Variants in CTDSPL2 observed in about 807,000 individuals in gnomAD.
The protein encoded by CTDSPL2 is CTD small phosphatase like 2, also known as CTD small phosphatase-like protein 2.
In CTDSPL2, 5 loss-of-function variants were observed where a neutral mutation model predicts 60.0. That is an observed-to-expected ratio of 0.08 (90% CI 0.04 to 0.18). The LOEUF (loss-of-function observed/expected upper bound fraction) is 0.18. Among genes scored for constraint, CTDSPL2 ranks in the 10% least tolerant of loss-of-function variants. The pLI is 1.00. For synonymous variants in CTDSPL2, 186 were observed against 189.3 expected (o/e 0.98, Z 0.14); for missense variants, 370 against 548.8 (o/e 0.67, Z 3.26).
intron 9 of CTDSPL2, 51 bp from the exon 10 acceptor site, chr15:44,514,714 C>T: frequency 6.7e-7 from 1 of 1,495,042 alleles, no homozygotes; most frequent in Non-Finnish European, 9.3e-7. Context: ...CAATATAGTA[C>T]CCATATTTAG....
intron 1 of CTDSPL2, among the ~76,000 whole-genome samples, chr15:44,443,322 G>A (rs2080131260): frequency 6.6e-6 from 1 of 152,102 alleles, no homozygotes. Flanking sequence ...TGGACACTTC[G>A]ATTGCATCCA....
intron 1 of CTDSPL2, among the ~76,000 whole-genome samples, chr15:44,444,875 T>C (rs1312583970): frequency 8.3e-6 from 1 of 120,642 alleles, no homozygotes; most frequent in Non-Finnish European, 1.7e-5. Context: ...TTAGACGGAG[T>C]CTCCCTCTGT....
chr15:44,511,570 C>T (rs2081565541), intron 8 of CTDSPL2, among the ~76,000 whole-genome samples: 1 of 152,090 alleles, frequency 6.6e-6, no homozygotes, highest in Non-Finnish European at 1.5e-5. Flanking sequence ...TCTGAAATGC[C>T]TCAAAATCTG....
chr15:44,508,635 A>C (rs1314247625), intron 8 of CTDSPL2, among the ~76,000 whole-genome samples: 1 of 152,134 alleles, frequency 6.6e-6, no homozygotes, highest in Non-Finnish European at 1.5e-5. Flanking sequence ...TTTGAAAGTT[A>C]TGGTCTGCCG....
chr15:44,479,929 C>G (rs555808689), intron 2 of CTDSPL2, among the ~76,000 whole-genome samples: 74 of 152,192 alleles, frequency 4.9e-4, no homozygotes, highest in South Asian at 8.3e-4. Context: ...TTCAGGGTAT[C>G]TCTTTGAACA....
intron 1 of CTDSPL2, among the ~76,000 whole-genome samples, chr15:44,432,727 C>G (rs764051835): frequency 9.2e-5 from 14 of 151,996 alleles, no homozygotes; most frequent in Admixed American, 2.6e-4. Context: ...TCAAGTGATT[C>G]TCCTGTCTCA....
chr15:44,463,612 C>T (rs2080621500), intron 2 of CTDSPL2, among the ~76,000 whole-genome samples: 1 of 152,092 alleles, frequency 6.6e-6, no homozygotes, highest in Non-Finnish European at 1.5e-5. Flanking sequence ...ATTGTATTTT[C>T]CCAGACAACT....
chr15:44,517,881 T>G lies in CTDSPL2; in HGVS notation c.1113-1288T>G, dbSNP rs373292418. On this transcript the variant is annotated intron_variant, in intron 10 of 12. Transcript: ENST00000260327. The stretch of plus-strand genomic sequence containing the variant: ...GCTTGAATTAATTTACTTAGTCTTT[T>G]TTGTTGTTGTTTTTTCAAAGTAGAA... 4.6e-5 allele frequency among the ~76,000 whole-genome samples: 7 copies of G among 152,210 alleles called. No homozygotes were observed. The South Asian group carries it at 1.0e-3, about 23-fold the overall frequency.
chr15:44,491,516 G>A (rs968882614), intron 5 of CTDSPL2, among the ~76,000 whole-genome samples: 1 of 152,192 alleles, frequency 6.6e-6, no homozygotes, highest in African/African-American at 2.4e-5. Flanking sequence ...TCCTTGAAAT[G>A]TGGAAACATA....
intron 4 of CTDSPL2, 101 bp from the exon 5 acceptor site, chr15:44,490,683 A>G (rs2081198666): frequency 2.4e-6 from 2 of 835,586 alleles, no homozygotes. Flanking sequence ...TCCTGCAGGA[A>G]TGATCAGTCT....
At chr15:44,479,671 C>T (rs1042747280) in intron 2 of CTDSPL2, among the ~76,000 whole-genome samples, 6 of 152,118 alleles carry the variant, frequency 3.9e-5, no homozygotes, top group South Asian at 2.1e-4. Flanking sequence ...GACCTCCCAA[C>T]GTGCTAGAAT....
chr15:44,492,021 T>C (rs1441848574), intron 5 of CTDSPL2, among the ~76,000 whole-genome samples: 3 of 151,648 alleles, frequency 2.0e-5, no homozygotes, highest in African/African-American at 7.3e-5. Context: ...GTGACACCAC[T>C]CCCAGCTATT....
In CTDSPL2 at chr15:44,488,328, G is replaced by A. The variant is rs1041431361; in HGVS notation, c.475+1628G>A. Among the ~76,000 whole-genome samples the A allele has an allele frequency of 5.9e-5, 9 of 152,058 alleles. No individual in the cohort carries two copies. The East Asian group carries it at 7.7e-4, about 13-fold the overall frequency. On this transcript the variant is annotated intron_variant, in intron 4 of 12. Coordinates refer to ENST00000260327, the MANE Select transcript of CTDSPL2 (RefSeq NM_016396.3). ...TGTGAGACTTGATGAGACCTTAATTGTATTAGAGAAGACAGGAAGGATCAG... is the reference window on the plus strand; with the variant it reads ...TGTGAGACTTGATGAGACCTTAATTATATTAGAGAAGACAGGAAGGATCAG...
chr15:44,427,804 T>C (rs1332151974), intron 1 of CTDSPL2, 32 bp downstream of exon 1: 3 of 398,126 alleles, frequency 7.5e-6, no homozygotes, highest in Non-Finnish European at 1.3e-5. Context: ...CCGCCGCTGC[T>C]TCCAATCTCA....
At chr15:44,438,065 C>A (rs1418971768) in intron 1 of CTDSPL2, among the ~76,000 whole-genome samples, 1 of 152,068 alleles carries the variant, frequency 6.6e-6, no homozygotes, top group Non-Finnish European at 1.5e-5. Context: ...GAGATTAAGA[C>A]CATCCTGGCT....
chr15:44,442,642 C>G (rs1190828070), intron 1 of CTDSPL2, among the ~76,000 whole-genome samples: 2 of 151,712 alleles, frequency 1.3e-5, no homozygotes, highest in African/African-American at 2.4e-5. Flanking sequence ...TCTTCTGTCC[C>G]CATTATTTTC....
intron 3 of CTDSPL2, 97 bp from the exon 4 acceptor site, chr15:44,486,454 G>C (rs1391830980): frequency 6.1e-6 from 5 of 818,052 alleles, no homozygotes; most frequent in Non-Finnish European, 7.3e-6. Flanking sequence ...GAAGTATTTT[G>C]AGGGAAAAAG....
chr15:44,477,375 A>T (rs1000594891), intron 2 of CTDSPL2, among the ~76,000 whole-genome samples: 1 of 150,872 alleles, frequency 6.6e-6, no homozygotes, highest in Non-Finnish European at 1.5e-5. Context: ...TCTACAAAAA[A>T]ATTTTGTTTT....
chr15:44,439,103 C>A (rs1289431180), intron 1 of CTDSPL2, among the ~76,000 whole-genome samples: 2 of 151,256 alleles, frequency 1.3e-5, no homozygotes, highest in East Asian at 3.9e-4. Context: ...CCTAAGCATA[C>A]TCATTTTCCC....
Sources: gnomAD v4.1 joint callset for allele counts (sites outside exome capture counted in the v4.1 genomes callset) on GRCh38, gnomAD v4.1.1 for gene constraint, MANE v1.5 for transcripts, NCBI Gene and HGNC (gene_info 2026-07-23, HGNC 2026-07-21) for gene names.